SEH1L: variants seen among roughly 807,000 people sequenced by gnomAD.
SEH1L encodes the protein nucleoporin SEH1.
Under a neutral mutation model 49.5 loss-of-function variants are expected in SEH1L, and 18 were observed. That is an observed-to-expected ratio of 0.36 (90% CI 0.25 to 0.54). The LOEUF (loss-of-function observed/expected upper bound fraction) is 0.54, where lower values mean the gene tolerates loss of function less well. SEH1L is among the 20% of genes least tolerant of loss of function. The pLI is 0.87. For missense variants in SEH1L, 404 were observed against 528.8 expected (o/e 0.76, Z 2.31); for synonymous variants, 169 against 178.1 (o/e 0.95, Z 0.41).
intron 3 of SEH1L, among the ~76,000 whole-genome samples, chr18:12,957,320 C>T (rs945620848): frequency 5.3e-5 from 8 of 151,704 alleles, no homozygotes; most frequent in Admixed American, 6.6e-5. Flanking sequence ...CCCAGCTACT[C>T]AGGAGGCTGA....
intron 6 of SEH1L, among the ~76,000 whole-genome samples, chr18:12,979,741 G>C (rs1292372847): frequency 9.6e-4 from 125 of 130,246 alleles, no homozygotes; most frequent in Middle Eastern, 6.3e-3. Flanking sequence ...CTGGCCGGGC[G>C]GGGGGCTGAC....
At chr18:12,977,771 T>C (rs1173086260) in intron 5 of SEH1L, 2 of 152,218 alleles carry the variant, frequency 1.3e-5, no homozygotes, top group East Asian at 1.9e-4. Context: ...TTCAAATACT[T>C]AGGCAATGTG....
chr18:12,958,482 C>T (rs539206934), intron 3 of SEH1L, among the ~76,000 whole-genome samples: 10 of 152,292 alleles, frequency 6.6e-5, no homozygotes, highest in African/African-American at 2.4e-4. Flanking sequence ...AACTGTTCAT[C>T]ACTGCCAACA....
intron 4 of SEH1L, 67 bp downstream of exon 4, chr18:12,963,438 A>G (rs897555033): frequency 2.7e-5 from 33 of 1,230,796 alleles, no homozygotes; most frequent in Middle Eastern, 2.4e-4. Context: ...TAAGCTAACA[A>G]TTTGATAATT....
intron 8 of SEH1L, chr18:12,985,249 C>A: frequency 6.2e-7 from 1 of 1,609,620 alleles, no homozygotes; most frequent in Non-Finnish European, 8.5e-7. Flanking sequence ...GAAAGCACAG[C>A]TGAGTACAAG....
rs1357323244 is a variant in SEH1L, at chr18:12,978,776, T to A, written c.645T>A (p.Leu215=). The change falls in exon 6 of 9, where the codon CTT becomes CTA. Residue 215 remains leucine, a synonymous_variant. Coordinates refer to ENST00000399892, the MANE Select transcript of SEH1L (RefSeq NM_001013437.2). ...NTRKYAKAET[L]MTVTDPVHDI... is the part of the protein sequence containing the mutation. ...GGAAATATGCAAAAGCTGAAACTCT[T>A]ATGACAGTCACTGATCCTGTTCATG... 6.2e-7 allele frequency: 1 copy of A among 1,613,096 alleles called. No individual in the cohort carries two copies. The highest frequency in any genetic ancestry group is 8.5e-7 in the Non-Finnish European group (1 of 1,179,392).
At chr18:12,976,975 CAAA>C (rs534326620) in intron 5 of SEH1L, 4 of 99,312 alleles carry the variant, frequency 4.0e-5, no homozygotes, top group Admixed American at 1.1e-4. Flanking sequence ...GACTCTGTCT[CAAA>C]AAAAAAAAAA....
At position 12,963,382 on chromosome 18, in the gene SEH1L, A is replaced by C; in HGVS notation, c.521+11A>C. ...TTGGAACCCTTCAAGGTAAGTTTAC[A>C]TATTAAACCTCTGATAACATCCTAG... On this transcript the variant is annotated intron_variant, in intron 4 of 8. Transcript: ENST00000399892. 3 of 1,593,076 alleles carry C rather than the reference A, an allele frequency of 1.9e-6. No homozygotes were observed. The highest frequency in any genetic ancestry group is 2.6e-6 in the Non-Finnish European group (3 of 1,161,208).
At chr18:12,984,440 G>A (rs2032390446) in intron 8 of SEH1L, among the ~76,000 whole-genome samples, 1 of 152,206 alleles carries the variant, frequency 6.6e-6, no homozygotes, top group African/African-American at 2.4e-5. Context: ...AATGTTTACA[G>A]GTTTAAGATT....
chr18:12,954,100 G>A (rs979607294), intron 2 of SEH1L, among the ~76,000 whole-genome samples: 5 of 152,176 alleles, frequency 3.3e-5, no homozygotes, highest in Admixed American at 2.0e-4. Context: ...GGTGCAAAAT[G>A]TACCTTTAGT....
Position 12,986,886 on chromosome 18 carries a change from C to T in SEH1L, c.1095C>T (p.Ser365=). 1 of 1,604,756 alleles carries T rather than the reference C, an allele frequency of 6.2e-7. No individual in the cohort carries two copies. Among genetic ancestry groups the T allele is most frequent in the Non-Finnish European group, 8.5e-7 (1 of 1,174,364 alleles). Residue 365 remains serine, a synonymous_variant, in exon 9 of 9, where the codon TCC becomes TCT. Coordinates refer to ENST00000399892, the MANE Select transcript of SEH1L (RefSeq NM_001013437.2). ...AGRYFFTPLD[S]PRAGSRWSSY... The stretch of plus-strand genomic sequence containing the variant: ...GGTATTTCTTTACCCCTCTGGATTC[C>T]CCACGGGCTGGATCGAGATGGTCCA...
chr18:12,975,148 A>G (rs2031866498), intron 5 of SEH1L, among the ~76,000 whole-genome samples: 1 of 151,894 alleles, frequency 6.6e-6, no homozygotes, highest in South Asian at 2.1e-4. Context: ...ATGTGCCACC[A>G]CACCCAGCTA....
intron 5 of SEH1L, chr18:12,971,766 C>T (rs1235738427): frequency 6.5e-6 from 1 of 152,766 alleles, no homozygotes; most frequent in East Asian, 1.9e-4. Flanking sequence ...AGAGCTTATA[C>T]CTGGGGAACC....
chr18:12,983,639 T>C (rs1290647121), intron 7 of SEH1L, among the ~76,000 whole-genome samples: 1 of 152,346 alleles, frequency 6.6e-6, no homozygotes, highest in Admixed American at 6.5e-5. Flanking sequence ...TAGGTACCCT[T>C]ATAACTTATA....
intron 5 of SEH1L, chr18:12,978,505 T>C: frequency 2.6e-6 from 1 of 377,556 alleles, no homozygotes; most frequent in South Asian, 6.7e-5. Context: ...GGACCCACCC[T>C]AAATCTCGGA....
chr18:12,950,614 G>T (rs2030463004), intron 1 of SEH1L, among the ~76,000 whole-genome samples: 1 of 152,112 alleles, frequency 6.6e-6, no homozygotes, highest in Non-Finnish European at 1.5e-5. Flanking sequence ...TATTTTGAAT[G>T]ATTTTCTTAG....
chr18:12,951,467 T>A (rs976137263), intron 1 of SEH1L, among the ~76,000 whole-genome samples: 1 of 152,164 alleles, frequency 6.6e-6, no homozygotes, highest in Non-Finnish European at 1.5e-5. Flanking sequence ...GTCAGCTCAC[T>A]GCGACCTCCG....
chr18:12,954,617 C>T (rs2030743715), intron 2 of SEH1L, among the ~76,000 whole-genome samples: 1 of 152,058 alleles, frequency 6.6e-6, no homozygotes, highest in African/African-American at 2.4e-5. Flanking sequence ...TAAGTGCATA[C>T]CACCACACCT....
chr18:12,951,092 A>C (rs1294747827), intron 1 of SEH1L, among the ~76,000 whole-genome samples: 1 of 152,198 alleles, frequency 6.6e-6, no homozygotes, highest in East Asian at 1.9e-4. Context: ...GTACCCCAAA[A>C]GTCACACTGG....
Sources: allele counts gnomAD v4.1 joint callset (sites outside exome capture counted in the v4.1 genomes callset), GRCh38; gene constraint gnomAD v4.1.1; transcripts MANE v1.5; gene names NCBI Gene and HGNC (gene_info 2026-07-23, HGNC 2026-07-21).